The following PCDHGB7 variants were observed in gnomAD, a reference collection of about 807,000 sequenced individuals.
PCDHGB7 encodes protocadherin gamma-B7.
PCDHGB7 carries 37 observed loss-of-function variants against 61.4 expected under a neutral mutation model. That is an observed-to-expected ratio of 0.60 (90% CI 0.46 to 0.79). The LOEUF is 0.79. Among genes scored for constraint, PCDHGB7 ranks in the 30% least tolerant of loss-of-function variants. The probability of loss-of-function intolerance (pLI) is 0.00; values close to 1 mark genes in which losing one functional copy is unlikely to be tolerated. For synonymous variants in PCDHGB7, 464 were observed against 503.5 expected, an observed-to-expected ratio of 0.92 and a Z score of 1.05; for missense variants, 1,166 against 1,202.5, an observed-to-expected ratio of 0.97 and a Z score of 0.45.
Position 141,431,953 on chromosome 5 carries a change from C to G in PCDHGB7, c.2415+11679C>G. 1.2e-6 allele frequency: 2 copies of G among 1,614,082 alleles called. No individual in the cohort carries two copies. Among genetic ancestry groups the G allele is most frequent in the East Asian group, 4.5e-5 (2 of 44,886 alleles). ...TGCCCTTTAAATTAGAAAAATCTTA[C>G]GGAAATTACTATAGTTTAGTCACAG... On this transcript the variant is annotated intron_variant, in intron 1 of 3. Transcript: ENST00000398594. The surrounding 1 kb of genome is among the most constrained non-coding windows in gnomAD (Gnocchi z 4.8).
At chr5:141,507,537 C>CA (rs140454890) in intron 3 of PCDHGB7, among the ~76,000 whole-genome samples, 3,617 of 152,286 alleles carry the variant, frequency 0.024, 53 homozygotes, top group East Asian at 0.043. Context: ...AGGCCAGAGA[C>CA]TGAGTATGAA....
chr5:141,489,894 G>T lies in PCDHGB7; in HGVS notation c.2416-4913G>T. 1.2e-6 allele frequency: 2 copies of T among 1,614,204 alleles called. No homozygotes were observed. Among genetic ancestry groups the T allele is most frequent in the Non-Finnish European group, 1.7e-6 (2 of 1,180,028 alleles). The stretch of plus-strand genomic sequence containing the variant: ...TGGTGCTTACTGCTGTGGATGGGGG[G>T]ACCCCAGCCCGCTCAGGGACCACCC... On this transcript the variant is annotated intron_variant, in intron 1 of 3. Transcript: ENST00000398594. The surrounding 1 kb of genome is among the most constrained non-coding windows in gnomAD (Gnocchi z 4.5).
intron 1 of PCDHGB7, chr5:141,430,944 G>T: frequency 1.2e-6 from 2 of 1,609,214 alleles, no homozygotes; most frequent in Non-Finnish European, 1.7e-6. Flanking sequence ...CTCGCGGAGC[G>T]CGGAGTCCGC....
rs752316565 is a variant in PCDHGB7 at position 141,487,235 on chromosome 5, C to T, written c.2416-7572C>T. On this transcript the variant is annotated intron_variant, in intron 1 of 3. Coordinates refer to ENST00000398594, the MANE Select transcript of PCDHGB7 (RefSeq NM_018927.4). This position sits in a 1 kb window ranked among gnomAD's most constrained non-coding sequence, Gnocchi z 5.0. The stretch of plus-strand genomic sequence containing the variant: ...TTCAGCTCCAAGGGAAGGAGAATCT[C>T]GTCTAACCCTCTACTTGGCTGTGTC... The T allele has an allele frequency of 2.5e-6, 4 of 1,614,126 alleles. No individual in the cohort carries two copies. Among genetic ancestry groups the T allele is most frequent in the Non-Finnish European group, 3.4e-6 (4 of 1,179,994 alleles).
chr5:141,420,318 T>C, intron 1 of PCDHGB7, 44 bp downstream of exon 1: 1 of 1,446,376 alleles, frequency 6.9e-7, no homozygotes, highest in Non-Finnish European at 9.3e-7. Context: ...TATTACAATA[T>C]GCCAATATAT....
At chr5:141,474,997 A>C (rs2154572220) in intron 1 of PCDHGB7, among the ~76,000 whole-genome samples, 1 of 152,376 alleles carries the variant, frequency 6.6e-6, no homozygotes, top group African/African-American at 2.4e-5. Flanking sequence ...ACAATTCTAA[A>C]TGCAGAAAAG....
In PCDHGB7 at chr5:141,489,645, C is replaced by T; in HGVS notation, c.2416-5162C>T. 1.2e-6 allele frequency: 2 copies of T among 1,614,156 alleles called. No homozygotes were observed. The highest frequency in any genetic ancestry group is 2.7e-5 in the African/African-American group (2 of 75,022). On this transcript the variant is annotated intron_variant, in intron 1 of 3. Transcript: ENST00000398594. This position sits in a 1 kb window ranked among gnomAD's most constrained non-coding sequence, Gnocchi z 4.5. ...ATGACAACTCTCCTAGCTTTGCCAC[C>T]CCTGAGCGAGAGATGCGCATCTCAG...
intron 1 of PCDHGB7, among the ~76,000 whole-genome samples, chr5:141,465,263 T>C (rs538393085): frequency 1.3e-5 from 2 of 152,326 alleles, no homozygotes; most frequent in African/African-American, 4.8e-5. Flanking sequence ...GCAATGATAC[T>C]AGCCATTTAG....
intron 1 of PCDHGB7, chr5:141,423,756 GGGGGT>G: frequency 1.1e-5 from 5 of 448,566 alleles, no homozygotes; most frequent in African/African-American, 2.8e-5. Context: ...TGTTTGGGGG[GGGGGT>G]GGGGCGGCAT....
intron 1 of PCDHGB7, among the ~76,000 whole-genome samples, chr5:141,467,727 T>C (rs1562013145): frequency 6.6e-6 from 1 of 152,046 alleles, no homozygotes; most frequent in African/African-American, 2.4e-5. Flanking sequence ...AGTGGCACAA[T>C]CCCAGCTCGC....
rs1309165721 is a variant in PCDHGB7 at position 141,430,655 on chromosome 5, G to A, written c.2415+10381G>A. On this transcript the variant is annotated intron_variant, in intron 1 of 3. Coordinates refer to ENST00000398594, the MANE Select transcript of PCDHGB7 (RefSeq NM_018927.4). Reference sequence around the variant, plus strand: ...ATCCCTGGGAGTATGTGGAAACAACGGAGGAGCTCTGACTTCCCAACTGTC... The same window carrying A: ...ATCCCTGGGAGTATGTGGAAACAACAGAGGAGCTCTGACTTCCCAACTGTC... 4.6e-6 allele frequency: 5 copies of A among 1,084,938 alleles called. No individual in the cohort carries two copies. In the East Asian group the frequency reaches 7.8e-5, roughly 17 times the overall value. 67.2% of individuals were successfully genotyped at this position (1,084,938 alleles called of 1,614,324 possible).
chr5:141,498,119 T>C (rs780741291), intron 2 of PCDHGB7, among the ~76,000 whole-genome samples: 42 of 152,192 alleles, frequency 2.8e-4, no homozygotes, highest in Non-Finnish European at 4.8e-4. Flanking sequence ...AATAGGGATT[T>C]GATTTAGGGA....
In PCDHGB7 at chr5:141,419,642, G is replaced by A. The variant is rs376762490; in HGVS notation, c.1783G>A (p.Asp595Asn). 1 of 1,612,412 alleles carries A rather than the reference G, an allele frequency of 6.2e-7. No individual in the cohort carries two copies. Among genetic ancestry groups the A allele is most frequent in the African/African-American group, 1.3e-5 (1 of 74,946 alleles). ...GYLVTKVVAV[D>N]ADSGHNAWLS... ...CCTGGTGACCAAGGTGGTGGCCGTG[G>A]ACGCGGACTCGGGGCACAATGCCTG... Residue 595 changes from aspartate (D) to asparagine (N), a missense_variant, in exon 1 of 4, where the codon GAC (aspartate) becomes AAC (asparagine). Coordinates refer to ENST00000398594, the MANE Select transcript of PCDHGB7 (RefSeq NM_018927.4).
intron 1 of PCDHGB7, among the ~76,000 whole-genome samples, chr5:141,456,882 G>A (rs1039329600): frequency 6.6e-6 from 1 of 152,156 alleles, no homozygotes; most frequent in Non-Finnish European, 1.5e-5. Context: ...AGAATCGCTT[G>A]AACCCGGGAG....
intron 1 of PCDHGB7, among the ~76,000 whole-genome samples, chr5:141,434,225 G>A (rs1591320318): frequency 6.6e-6 from 1 of 152,146 alleles, no homozygotes; most frequent in African/African-American, 2.4e-5. Flanking sequence ...AACAAAGTAC[G>A]ATTTCTGGAC....
In PCDHGB7 at chr5:141,486,866, G is replaced by A; in HGVS notation, c.2416-7941G>A. Reference sequence around the variant, plus strand: ...GGACCTCAATGACAATGCTCCAGCTGTGCTCCGTCCTCGGGCCCGGCCTGG... The same window carrying A: ...GGACCTCAATGACAATGCTCCAGCTATGCTCCGTCCTCGGGCCCGGCCTGG... On this transcript the variant is annotated intron_variant, in intron 1 of 3. Transcript: ENST00000398594. The surrounding 1 kb of genome is among the most constrained non-coding windows in gnomAD (Gnocchi z 5.0). 6.2e-7 allele frequency: 1 copy of A among 1,614,202 alleles called. No homozygotes were observed. The highest frequency in any genetic ancestry group is 8.5e-7 in the Non-Finnish European group (1 of 1,180,038).
In PCDHGB7 at chr5:141,485,961, A is replaced by C. The variant is rs766687554; in HGVS notation, c.2416-8846A>C. ...GCACCAGCGGGCATGGTGCTCATCC[A>C]GCTCAATGCCTCAGACCCGGACCTG... On this transcript the variant is annotated intron_variant, in intron 1 of 3. Coordinates refer to ENST00000398594, the MANE Select transcript of PCDHGB7 (RefSeq NM_018927.4). The surrounding 1 kb of genome is among the most constrained non-coding windows in gnomAD (Gnocchi z 5.7). 6.2e-7 allele frequency: 1 copy of C among 1,614,204 alleles called. No homozygotes were observed. The highest frequency in any genetic ancestry group is 1.1e-5 in the South Asian group (1 of 91,090).
Position 141,491,383 on chromosome 5 carries a change from A to C in PCDHGB7, c.2416-3424A>C. The C allele has an allele frequency of 6.2e-7, 1 of 1,614,036 alleles. No individual in the cohort carries two copies. The highest frequency in any genetic ancestry group is 8.5e-7 in the Non-Finnish European group (1 of 1,179,962). ...AGTCACCTTCACCTTTCTGTCAGCG[A>C]AGTGCCTTCAGGGAAACGCAGACGG... On this transcript the variant is annotated intron_variant, in intron 1 of 3. Transcript: ENST00000398594. This position sits in a 1 kb window ranked among gnomAD's most constrained non-coding sequence, Gnocchi z 6.9.
chr5:141,486,161 A>G lies in PCDHGB7; in HGVS notation c.2416-8646A>G. 1 of 1,614,216 alleles carries G rather than the reference A, an allele frequency of 6.2e-7. No individual in the cohort carries two copies. The highest frequency in any genetic ancestry group is 8.5e-7 in the Non-Finnish European group (1 of 1,180,038). ...GGCTCGCGATGGGGGTTCTCCAGCC[A>G]TGGAGCAACATTGCAGCCTTCGAGT... On this transcript the variant is annotated intron_variant, in intron 1 of 3. Coordinates refer to ENST00000398594, the MANE Select transcript of PCDHGB7 (RefSeq NM_018927.4). The surrounding 1 kb of genome is among the most constrained non-coding windows in gnomAD (Gnocchi z 5.0).
Sources: gnomAD v4.1 joint callset for allele counts (sites outside exome capture counted in the v4.1 genomes callset) on GRCh38, gnomAD v4.1.1 for gene constraint, Gnocchi (gnomAD v3.1) non-coding constraint, MANE v1.5 for transcripts, NCBI Gene and HGNC (gene_info 2026-07-23, HGNC 2026-07-21) for gene names.